The following RBBP4 variants were observed in gnomAD, a reference collection of about 807,000 sequenced individuals.
The protein encoded by RBBP4 is histone-binding protein RBBP4.
Under a neutral mutation model 57.2 loss-of-function variants are expected in RBBP4, and 3 were observed. That is an observed-to-expected ratio of 0.05 (90% CI 0.02 to 0.14). The LOEUF (loss-of-function observed/expected upper bound fraction) is 0.14. RBBP4 is among the 10% of genes least tolerant of loss of function. RBBP4 has a pLI of 1.00. For missense variants in RBBP4, 107 were observed against 520.6 expected (o/e 0.21, Z 7.73); for synonymous variants, 151 against 171.5 (o/e 0.88, Z 0.93).
chr1:32,664,150 G>T (rs12039939), intron 3 of RBBP4, among the ~76,000 whole-genome samples: 5,858 of 152,114 alleles, frequency 0.039, 230 homozygotes, highest in East Asian at 0.11. Context: ...GCATAGTCTT[G>T]ATCTCCTGAA....
intron 10 of RBBP4, 42 bp from the exon 11 acceptor site, chr1:32,672,749 C>T (rs749837370): frequency 6.2e-7 from 1 of 1,604,926 alleles, no homozygotes; most frequent in African/African-American, 1.4e-5. Flanking sequence ...ATTTAATGTC[C>T]TCTATCTGCA....
In RBBP4 at chr1:32,652,253, T is replaced by C; in HGVS notation, c.164+192T>C. The C allele has an allele frequency of 6.3e-6, 4 of 634,086 alleles. No homozygotes were observed. In the South Asian group the frequency reaches 9.4e-5, roughly 15 times the overall value. 39.3% of individuals were successfully genotyped at this position (634,086 alleles called of 1,614,324 possible). ...GTAACTTACCTGACAAGAGAAAACATATTGGCGTTTTTTTCTCAATACTGA... is the reference window on the plus strand; with the variant it reads ...GTAACTTACCTGACAAGAGAAAACACATTGGCGTTTTTTTCTCAATACTGA... On this transcript the variant is annotated intron_variant, in intron 2 of 11. Transcript: ENST00000373493.
chr1:32,660,256 G>GTT (rs1244780810), intron 3 of RBBP4, among the ~76,000 whole-genome samples: 3 of 152,068 alleles, frequency 2.0e-5, no homozygotes, highest in Non-Finnish European at 4.4e-5. Flanking sequence ...GAAGCTGTAA[G>GTT]TTGCTTTTTT....
chr1:32,653,637 GTTTTTTTTTTTT>G (rs1053666893), intron 2 of RBBP4, among the ~76,000 whole-genome samples: 1 of 20,776 alleles, frequency 4.8e-5, no homozygotes, highest in African/African-American at 8.1e-5. Flanking sequence ...TTGTTTTCTG[GTTTTTTTTTTTT>G]TTTTTTTTTT....
chr1:32,675,666 G>A (rs975959860), intron 11 of RBBP4, among the ~76,000 whole-genome samples: 9 of 152,080 alleles, frequency 5.9e-5, no homozygotes, highest in Non-Finnish European at 1.2e-4. Context: ...CTACTCGGGA[G>A]GCTGAGGCAG....
At position 32,658,027 on chromosome 1, in the gene RBBP4, A is replaced by G. The variant is rs412703; in HGVS notation, c.310+455A>G. On this transcript the variant is annotated intron_variant, in intron 3 of 11. Coordinates refer to ENST00000373493, the MANE Select transcript of RBBP4 (RefSeq NM_005610.3). ...GCCACCACGCCTAGTTAATTTTTGT[A>G]TTTTTAGTGGAGACAGGGTTTCACC... Among the ~76,000 whole-genome samples the G allele has an allele frequency of 8.8e-3, 1,342 of 151,974 alleles. 19 individuals are homozygous for G. The highest frequency in any genetic ancestry group is 0.03 in the African/African-American group (1,258 of 41,452).
intron 10 of RBBP4, 38 bp downstream of exon 10, chr1:32,672,737 T>C (rs770061693): frequency 6.2e-7 from 1 of 1,608,666 alleles, no homozygotes; most frequent in South Asian, 1.1e-5. Context: ...AAATAGTCTG[T>C]AATTTAATGT....
chr1:32,672,972 T>G, intron 11 of RBBP4, 71 bp downstream of exon 11: 1 of 1,248,320 alleles, frequency 8.0e-7, no homozygotes, highest in South Asian at 1.3e-5. Flanking sequence ...ATTTGTATAT[T>G]TTATGATTAC....
At chr1:32,678,983 A>G (rs549420344) in intron 11 of RBBP4, among the ~76,000 whole-genome samples, 25 of 151,910 alleles carry the variant, frequency 1.6e-4, no homozygotes, top group Non-Finnish European at 2.5e-4. Context: ...GGTTGTTTTT[A>G]CTTTTTGGCT....
At chr1:32,659,005 AT>A (rs1197034140) in intron 3 of RBBP4, among the ~76,000 whole-genome samples, 2 of 147,646 alleles carry the variant, frequency 1.4e-5, no homozygotes, top group Non-Finnish European at 3.0e-5. Flanking sequence ...TGTGTAAAAT[AT>A]AGTTATATAT....
chr1:32,673,869 C>T (rs923651045), intron 11 of RBBP4, among the ~76,000 whole-genome samples: 5 of 152,028 alleles, frequency 3.3e-5, no homozygotes, highest in African/African-American at 1.2e-4. Context: ...GAGGCCGAGG[C>T]GGGTGGATCA....
rs1649340920 is a variant in RBBP4 at position 32,680,267 on chromosome 1, C to T, written c.*562C>T. The T allele has an allele frequency of 8.2e-7, 1 of 1,223,002 alleles. No individual in the cohort carries two copies. The highest frequency in any genetic ancestry group is 4.3e-5 in the Admixed American group (1 of 23,350). The allele number at this position is 1,223,002 out of a possible 1,614,324, so 75.8% of individuals were successfully genotyped here. A position where few individuals can be genotyped will look rare whatever the true frequency, so the allele number is the denominator to read the frequency against. ...ACACGTTCCTCTTTCCCCATATATT[C>T]ATATATTTTTGCTCGTTAGTGTATT... On this transcript the variant is annotated 3_prime_UTR_variant, in exon 12 of 12. Coordinates refer to ENST00000373493, the MANE Select transcript of RBBP4 (RefSeq NM_005610.3).
chr1:32,677,257 G>A (rs1649141284), intron 11 of RBBP4, among the ~76,000 whole-genome samples: 1 of 152,024 alleles, frequency 6.6e-6, no homozygotes, highest in Admixed American at 6.6e-5. Context: ...TGATTTGAGG[G>A]TTAAAACTTG....
chr1:32,679,050 A>C (rs1649257204), intron 11 of RBBP4, among the ~76,000 whole-genome samples: 1 of 152,182 alleles, frequency 6.6e-6, no homozygotes, highest in Non-Finnish European at 1.5e-5. Context: ...TAATCCTAGC[A>C]CTTTGAGAGG....
chr1:32,654,652 G>T (rs1490814311), intron 2 of RBBP4, among the ~76,000 whole-genome samples: 1 of 152,186 alleles, frequency 6.6e-6, no homozygotes, highest in Non-Finnish European at 1.5e-5. Context: ...TTCTGCATTA[G>T]CAAATCTAGA....
chr1:32,667,304 T>C (rs577942869), intron 3 of RBBP4, among the ~76,000 whole-genome samples: 1 of 152,338 alleles, frequency 6.6e-6, no homozygotes, highest in Admixed American at 6.5e-5. Flanking sequence ...AAGTCTTTGA[T>C]CCTTCTGATA....
At chr1:32,672,940 G>A (rs1235927062) in intron 11 of RBBP4, 39 bp downstream of exon 11, 8 of 1,443,292 alleles carry the variant, frequency 5.5e-6, no homozygotes, top group African/African-American at 1.4e-5. Context: ...GGTGAAATAA[G>A]TGAGACATAG....
intron 11 of RBBP4, among the ~76,000 whole-genome samples, chr1:32,674,284 A>G (rs1160436673): frequency 6.9e-6 from 1 of 145,040 alleles, no homozygotes; most frequent in East Asian, 2.0e-4. Flanking sequence ...TTCAGGCTAC[A>G]GTGCAGTGGT....
Position 32,683,924 on chromosome 1 carries a change from C to A in RBBP4, c.*4219C>A, listed in dbSNP as rs1394510814. On this transcript the variant is annotated 3_prime_UTR_variant, in exon 12 of 12. Transcript: ENST00000373493. ...CTAGGATTACAGGCGTGAGCCACCC[C>A]GTCCGGCCTGTTTTTAAGGCATTAA... The A allele has an allele frequency of 5.8e-6, 8 of 1,379,640 alleles. No individual in the cohort carries two copies. The highest frequency in any genetic ancestry group is 7.1e-6 in the Non-Finnish European group (7 of 980,596). 85.5% of individuals were successfully genotyped at this position (1,379,640 alleles called of 1,614,324 possible).
Sources: gnomAD v4.1 joint callset for allele counts (sites outside exome capture counted in the v4.1 genomes callset) on GRCh38, gnomAD v4.1.1 for gene constraint, MANE v1.5 for transcripts, NCBI Gene and HGNC (gene_info 2026-07-23, HGNC 2026-07-21) for gene names.